The following NEK10 variants were observed in gnomAD, a reference collection of about 807,000 sequenced individuals.
The protein encoded by NEK10 is NIMA related kinase 10.
A neutral mutation model predicts 159.8 loss-of-function variants in NEK10; 122 were observed. That is an observed-to-expected ratio of 0.76 (90% CI 0.66 to 0.89). The LOEUF is 0.89. NEK10 is among the 40% of genes least tolerant of loss of function. NEK10 has a pLI of 0.00. For synonymous variants in NEK10, 466 were observed against 457.1 expected (o/e 1.02, Z -0.25); for missense variants, 1,342 against 1,323.1 (o/e 1.01, Z -0.22).
chr3:27,209,715 C>T (rs1950838100), intron 23 of NEK10, among the ~76,000 whole-genome samples: 1 of 152,142 alleles, frequency 6.6e-6, no homozygotes, highest in African/African-American at 2.4e-5. Flanking sequence ...TTTCTAGATG[C>T]CAAACCCTCT....
intron 31 of NEK10, among the ~76,000 whole-genome samples, chr3:27,136,350 G>T (rs1031922232): frequency 5.9e-5 from 9 of 152,040 alleles, no homozygotes; most frequent in Non-Finnish European, 8.8e-5. Context: ...CTGACCTTGT[G>T]ATCCACCTGT....
At chr3:27,360,841 T>C (rs893859484) in intron 1 of NEK10, among the ~76,000 whole-genome samples, 1 of 152,200 alleles carries the variant, frequency 6.6e-6, no homozygotes, top group African/African-American at 2.4e-5. Flanking sequence ...ACAAGCATTA[T>C]TATCATGGCC....
intron 23 of NEK10, among the ~76,000 whole-genome samples, chr3:27,206,119 C>T (rs1384524759): frequency 6.6e-6 from 1 of 152,238 alleles, no homozygotes; most frequent in African/African-American, 2.4e-5. Flanking sequence ...TTTTCTAATA[C>T]CATCACGTTG....
intron 23 of NEK10, among the ~76,000 whole-genome samples, chr3:27,226,468 C>T (rs1379095798): frequency 1.3e-5 from 2 of 152,192 alleles, no homozygotes; most frequent in East Asian, 1.9e-4. Flanking sequence ...CCATAGTGCA[C>T]TAGCTATTTC....
chr3:27,284,933 C>G lies in NEK10; in HGVS notation c.1818G>C (p.Leu606=). The G allele has an allele frequency of 6.2e-7, 1 of 1,607,708 alleles. No individual in the cohort carries two copies. Among genetic ancestry groups the G allele is most frequent in the South Asian group, 1.1e-5 (1 of 90,854 alleles). The change falls in exon 21 of 36, where the codon CTG becomes CTC. Residue 606 remains leucine (L), a synonymous_variant. Transcript: ENST00000691995. ...ENDRLYIVME[L]IEGAPLGEHF... ...GCTCTCCAAGCGGGGCTCCTTCTAT[C>G]AGCTCCATAACTATGTACAACCTAT...
chr3:27,314,763 C>T (rs774488930), intron 6 of NEK10, among the ~76,000 whole-genome samples: 31 of 152,162 alleles, frequency 2.0e-4, no homozygotes, highest in African/African-American at 6.0e-4. Context: ...AAGAACCCTC[C>T]GCTAGGTCTC....
At chr3:27,239,112 G>A (rs1200802895) in intron 23 of NEK10, among the ~76,000 whole-genome samples, 1 of 152,062 alleles carries the variant, frequency 6.6e-6, no homozygotes, top group Non-Finnish European at 1.5e-5. Context: ...CATCTGTGAT[G>A]CAGTGGAAAG....
chr3:27,302,411 C>G (rs540739423), intron 12 of NEK10, among the ~76,000 whole-genome samples: 21 of 152,012 alleles, frequency 1.4e-4, no homozygotes, highest in African/African-American at 5.1e-4. Context: ...TTCTGGTGAT[C>G]TAGCAATTTA....
chr3:27,146,578 C>T (rs955276325), intron 30 of NEK10, among the ~76,000 whole-genome samples: 2 of 152,198 alleles, frequency 1.3e-5, no homozygotes, highest in Non-Finnish European at 2.9e-5. Context: ...TCTTTACTAT[C>T]ATAACAATGA....
chr3:27,348,531 T>A (rs1174818781), intron 3 of NEK10, among the ~76,000 whole-genome samples: 1 of 152,152 alleles, frequency 6.6e-6, no homozygotes, highest in East Asian at 1.9e-4. Flanking sequence ...TAGAGTCTTT[T>A]CTCTTGGGTC....
chr3:27,154,256 T>C (rs571570948), intron 30 of NEK10, among the ~76,000 whole-genome samples: 15 of 152,212 alleles, frequency 9.9e-5, no homozygotes, highest in African/African-American at 3.6e-4. Flanking sequence ...TCAGGAAGAA[T>C]TAGTTACCCT....
chr3:27,329,261 T>A (rs1328000111), intron 5 of NEK10, among the ~76,000 whole-genome samples: 2 of 152,216 alleles, frequency 1.3e-5, no homozygotes, highest in African/African-American at 4.8e-5. Context: ...GAAATGTAAG[T>A]CCATTAAACT....
intron 1 of NEK10, among the ~76,000 whole-genome samples, chr3:27,366,474 T>C (rs1387149747): frequency 6.6e-6 from 1 of 152,218 alleles, no homozygotes; most frequent in East Asian, 1.9e-4. Context: ...CAGTTCACTT[T>C]GACTTCAGCC....
intron 5 of NEK10, among the ~76,000 whole-genome samples, chr3:27,337,513 C>T (rs2046896103): frequency 1.3e-5 from 2 of 151,614 alleles, no homozygotes; most frequent in Admixed American, 1.3e-4. Context: ...AGCAAAAGAA[C>T]AAAGCAGGAC....
chr3:27,174,445 T>C lies in NEK10; in HGVS notation c.2770A>G (p.Thr924Ala), dbSNP rs1270649248. 1 of 1,610,102 alleles carries C rather than the reference T, an allele frequency of 6.2e-7. No individual in the cohort carries two copies. Among genetic ancestry groups the C allele is most frequent in the Non-Finnish European group, 8.5e-7 (1 of 1,179,428 alleles). The stretch of plus-strand genomic sequence containing the variant: ...TTGATAACAGAAAGCTTACTGAATG[T>C]AGATTCTTTCAGAGGGCTTGAACTG... ...SSSSSPLKES[T>A]FNILKRSFSA... The change falls in exon 28 of 36, where the codon ACA becomes GCA. Residue 924 changes from threonine to alanine, a missense_variant. Transcript: ENST00000691995.
At position 27,188,425 on chromosome 3, in the gene NEK10, C is replaced by A. The variant is rs567831374; in HGVS notation, c.2505+3604G>T. Reference sequence around the variant, plus strand: ...CATTCAGAAGACATCCAACAAATCCCTGTTCCTTCATTATTAATTATATAC... The same window carrying A: ...CATTCAGAAGACATCCAACAAATCCATGTTCCTTCATTATTAATTATATAC... On this transcript the variant is annotated intron_variant, in intron 26 of 35. Coordinates refer to ENST00000691995, the MANE Select transcript of NEK10 (RefSeq NM_001394966.1). Among the ~76,000 whole-genome samples the A allele has an allele frequency of 2.2e-4, 33 of 152,254 alleles. 1 individual carries two copies. The South Asian group carries it at 6.8e-3, about 32-fold the overall frequency.
intron 23 of NEK10, among the ~76,000 whole-genome samples, chr3:27,239,966 C>A (rs558074011): frequency 6.6e-6 from 1 of 152,192 alleles, no homozygotes; most frequent in Non-Finnish European, 1.5e-5. Flanking sequence ...CTCCCTCAGT[C>A]TGTTATGAAG....
intron 22 of NEK10, among the ~76,000 whole-genome samples, chr3:27,264,224 A>C (rs1332940335): frequency 6.6e-6 from 1 of 152,172 alleles, no homozygotes; most frequent in Non-Finnish European, 1.5e-5. Context: ...AACTTTTAAG[A>C]AATATATACC....
intron 26 of NEK10, among the ~76,000 whole-genome samples, chr3:27,189,843 G>C (rs1019233625): frequency 3.9e-5 from 6 of 152,066 alleles, no homozygotes; most frequent in Non-Finnish European, 7.4e-5. Context: ...TTTAAAGCAG[G>C]AATATAAACT....
Sources: allele counts gnomAD v4.1 joint callset (sites outside exome capture counted in the v4.1 genomes callset), GRCh38; gene constraint gnomAD v4.1.1; transcripts MANE v1.5; gene names NCBI Gene and HGNC (gene_info 2026-07-23, HGNC 2026-07-21).